ARID5A: variants seen among roughly 807,000 people sequenced by gnomAD.
The protein encoded by ARID5A is AT-rich interaction domain 5A.
ARID5A carries 14 observed loss-of-function variants against 30.5 expected under a neutral mutation model. The ratio of observed to expected loss-of-function variants is 0.46; its 90% confidence interval spans 0.30 to 0.72. The LOEUF is 0.72. ARID5A is among the 30% of genes least tolerant of loss of function. The pLI is 0.07. For synonymous variants in ARID5A, 338 were observed against 340.4 expected (o/e 0.99, Z 0.08); for missense variants, 669 against 786.2 (o/e 0.85, Z 1.78).
At chr2:96,545,156 CTTTTTTTTTT>C (rs35156624) in intron 1 of ARID5A, among the ~76,000 whole-genome samples, 1 of 116,338 alleles carries the variant, frequency 8.6e-6, no homozygotes, top group African/African-American at 3.2e-5. Flanking sequence ...TTTTCTTTTT[CTTTTTTTTTT>C]TTTTTTTTGA....
At position 96,552,215 on chromosome 2, in the gene ARID5A, C is replaced by T; in HGVS notation, c.1687C>T (p.Leu563Phe). 2 of 1,613,498 alleles carry T rather than the reference C, an allele frequency of 1.2e-6. No individual in the cohort carries two copies. The highest frequency in any genetic ancestry group is 1.1e-5 in the South Asian group (1 of 91,050). The change falls in exon 7 of 7, where the codon CTC becomes TTC. Residue 563 changes from leucine (L) to phenylalanine (F), a missense_variant. Leu to Phe is a conservative substitution (Grantham distance 22). Coordinates refer to ENST00000357485, the MANE Select transcript of ARID5A (RefSeq NM_212481.3). The part of the protein sequence containing the change: ...HFPPTSFDSA[L>F]RHRLCPASSA... ...CCCCCCAACGTCCTTCGACAGTGCCCTCCGCCACAGACTTTGCCCGGCCTC... is the reference window on the plus strand; with the variant it reads ...CCCCCCAACGTCCTTCGACAGTGCCTTCCGCCACAGACTTTGCCCGGCCTC...
rs1339911834 is a variant in ARID5A, at chr2:96,539,952, C to T, written c.4+3122C>T. ...ATTAGAAAGAAAAAAATCTCTAGCT[C>T]TCAGGGATCAGCGTCTCTCAGGAGT... On this transcript the variant is annotated intron_variant, in intron 1 of 6. Transcript: ENST00000357485. This position sits in a 1 kb window ranked among gnomAD's most constrained non-coding sequence, Gnocchi z 4.7. Among the ~76,000 whole-genome samples the T allele has an allele frequency of 2.0e-5, 3 of 152,234 alleles. No homozygotes were observed. The highest frequency in any genetic ancestry group is 4.4e-5 in the Non-Finnish European group (3 of 68,040).
chr2:96,550,259 C>A lies in ARID5A; in HGVS notation c.384C>A (p.Ala128=). The stretch of plus-strand genomic sequence containing the variant: ...GCAGCCCAGGCAGCACCAGCGCGGC[C>A]ACGTGCACGCGCCGCCACTACGAGA... The part of the protein sequence containing the change: ...LGGSPGSTSA[A]TCTRRHYERL... The change falls in exon 5 of 7, where the codon GCC becomes GCA. Residue 128 remains alanine, a synonymous_variant. Coordinates refer to ENST00000357485, the MANE Select transcript of ARID5A (RefSeq NM_212481.3). The surrounding 1 kb of genome is among the most constrained non-coding windows in gnomAD (Gnocchi z 6.6). 1.3e-6 allele frequency: 2 copies of A among 1,488,716 alleles called. No homozygotes were observed. Among genetic ancestry groups the A allele is most frequent in the South Asian group, 2.7e-5 (2 of 75,464 alleles). 92.2% of individuals were successfully genotyped at this position (1,488,716 alleles called of 1,614,324 possible).
chr2:96,538,025 G>A, intron 1 of ARID5A: 1 of 985,532 alleles, frequency 1.0e-6, no homozygotes, highest in South Asian at 4.7e-5. Context: ...AGGGGTGGGA[G>A]GTCGGGGCTC....
At chr2:96,547,301 T>C in intron 1 of ARID5A, 101 bp from the exon 2 acceptor site, 1 of 1,029,048 alleles carries the variant, frequency 9.7e-7, no homozygotes, top group Admixed American at 2.3e-5. Flanking sequence ...CTCTGGCAAC[T>C]CCAATTGGGA....
chr2:96,537,869 TG>T lies in ARID5A; in HGVS notation c.4+1040del. 1.0e-6 allele frequency: 1 copy of T among 985,430 alleles called. No homozygotes were observed. The highest frequency in any genetic ancestry group is 1.2e-6 in the Non-Finnish European group (1 of 829,988). 61.0% of individuals were successfully genotyped at this position (985,430 alleles called of 1,614,324 possible). A position where few individuals can be genotyped will look rare whatever the true frequency, so the allele number is the denominator to read the frequency against. ...AGGCGCTGCGGGTCCAGTGTCCCTT[TG>T]TTTGCAGAGTCTTGGGCCAGTAAGG... On this transcript the variant is annotated intron_variant, in intron 1 of 6. Coordinates refer to ENST00000357485, the MANE Select transcript of ARID5A (RefSeq NM_212481.3). The surrounding 1 kb of genome is among the most constrained non-coding windows in gnomAD (Gnocchi z 4.8).
In ARID5A at chr2:96,552,063, C is replaced by T. The variant is rs1014655896; in HGVS notation, c.1535C>T (p.Thr512Ile). ...GTMLHCPLNF[T>I]GTPGPLKGQA... The stretch of plus-strand genomic sequence containing the variant: ...ATGCTGCACTGCCCGCTGAACTTCA[C>T]TGGCACCCCGGGCCCCTTGAAGGGC... Residue 512 changes from threonine (T) to isoleucine (I), a missense_variant, in exon 7 of 7, where the codon ACT (threonine) becomes ATT (isoleucine). By Grantham distance (89) the Thr-to-Ile change is moderately conservative (BLOSUM62 -1). This residue lies in a region of ARID5A where 548 missense variants were observed against 577.4 expected (regional missense o/e 0.95). Transcript: ENST00000357485. 13 of 1,578,546 alleles carry T rather than the reference C, an allele frequency of 8.2e-6. No homozygotes were observed. Among genetic ancestry groups the T allele is most frequent in the African/African-American group, 1.3e-5 (1 of 74,082 alleles).
chr2:96,536,876 G>A, intron 1 of ARID5A, 46 bp downstream of exon 1: 1 of 1,225,436 alleles, frequency 8.2e-7, no homozygotes, highest in South Asian at 4.1e-5. Flanking sequence ...CGGCGGCCCT[G>A]CAGGGAGGTT....
intron 1 of ARID5A, among the ~76,000 whole-genome samples, chr2:96,544,051 C>G (rs2065886356): frequency 6.6e-6 from 1 of 152,268 alleles, no homozygotes; most frequent in Admixed American, 6.5e-5. Flanking sequence ...TAAGACAAAG[C>G]CTAATCCAGA....
chr2:96,551,234 C>G lies in ARID5A; in HGVS notation c.706C>G (p.Pro236Ala). The G allele has an allele frequency of 6.2e-7, 1 of 1,613,938 alleles. No homozygotes were observed. The highest frequency in any genetic ancestry group is 8.5e-7 in the Non-Finnish European group (1 of 1,180,004). Residue 236 changes from proline to alanine, a missense_variant, in exon 7 of 7, where the codon CCT becomes GCT. Around this residue, in one of 4 missense-constraint regions of ARID5A, gnomAD observed 548 missense variants for 577.4 expected, o/e 0.95. Transcript: ENST00000357485. ...GTCCTTTGTGGGTGCCAGCGGCTGT[C>G]CTGAGGCCTACAAGCGGCTCCTATC... The part of the protein sequence containing the change: ...SVSFVGASGC[P>A]EAYKRLLSSF...
At position 96,537,730 on chromosome 2, in the gene ARID5A, C is replaced by T; in HGVS notation, c.4+900C>T. On this transcript the variant is annotated intron_variant, in intron 1 of 6. Coordinates refer to ENST00000357485, the MANE Select transcript of ARID5A (RefSeq NM_212481.3). This position sits in a 1 kb window ranked among gnomAD's most constrained non-coding sequence, Gnocchi z 4.8. The stretch of plus-strand genomic sequence containing the variant: ...TGCGGGCCAACCCGGGCCCGCGCTC[C>T]GTCCCTCCGCGGTGTCTAGGGGTCG... 3 of 417,452 alleles carry T rather than the reference C, an allele frequency of 7.2e-6. No individual in the cohort carries two copies. Among genetic ancestry groups the T allele is most frequent in the Non-Finnish European group, 9.7e-6 (3 of 310,700 alleles). 25.9% of individuals were successfully genotyped at this position (417,452 alleles called of 1,614,324 possible). A position where few individuals can be genotyped will look rare whatever the true frequency, so the allele number is the denominator to read the frequency against.
Position 96,552,358 on chromosome 2 carries a change from A to G in ARID5A, c.*45A>G. 1 of 1,611,982 alleles carries G rather than the reference A, an allele frequency of 6.2e-7. No homozygotes were observed. The highest frequency in any genetic ancestry group is 8.5e-7 in the Non-Finnish European group (1 of 1,179,524). ...TACACTGTGGAGTCGACAGGGGCCT[A>G]CAACAGGCAGGTACTGCTGCCAGGG... On this transcript the variant is annotated 3_prime_UTR_variant, in exon 7 of 7. Coordinates refer to ENST00000357485, the MANE Select transcript of ARID5A (RefSeq NM_212481.3).
Position 96,550,091 on chromosome 2 carries a change from T to G in ARID5A, c.313-97T>G, listed in dbSNP as rs990348412. 3.3e-6 allele frequency: 5 copies of G among 1,531,754 alleles called. No individual in the cohort carries two copies. In the African/African-American group the frequency reaches 6.9e-5, roughly 21 times the overall value. The allele number at this position is 1,531,754 out of a possible 1,614,324, so 94.9% of individuals were successfully genotyped here. ...TGGAGCCGCAGAGCAGCTGCCAAAC[T>G]GCAGTCCTTCGAGTCCCTGCGAGGG... On this transcript the variant is annotated intron_variant, in intron 4 of 6. Coordinates refer to ENST00000357485, the MANE Select transcript of ARID5A (RefSeq NM_212481.3). The surrounding 1 kb of genome is among the most constrained non-coding windows in gnomAD (Gnocchi z 6.6).
chr2:96,550,370 G>T lies in ARID5A; in HGVS notation c.410+85G>T, dbSNP rs1573202059. On this transcript the variant is annotated intron_variant, in intron 5 of 6. Coordinates refer to ENST00000357485, the MANE Select transcript of ARID5A (RefSeq NM_212481.3). This position sits in a 1 kb window ranked among gnomAD's most constrained non-coding sequence, Gnocchi z 6.6. Reference sequence around the variant, plus strand: ...TTGCCGGGAGGGCCGGGTGGACTCTGCCCGGAGCGGGCAGGGTATGCGCCG... The same window carrying T: ...TTGCCGGGAGGGCCGGGTGGACTCTTCCCGGAGCGGGCAGGGTATGCGCCG... 2.1e-6 allele frequency: 3 copies of T among 1,428,056 alleles called. No individual in the cohort carries two copies. The highest frequency in any genetic ancestry group is 2.9e-5 in the African/African-American group (2 of 68,490). 88.5% of individuals were successfully genotyped at this position (1,428,056 alleles called of 1,614,324 possible). A position where few individuals can be genotyped will look rare whatever the true frequency, so the allele number is the denominator to read the frequency against.
intron 1 of ARID5A, among the ~76,000 whole-genome samples, chr2:96,538,522 G>A (rs967080422): frequency 6.6e-6 from 1 of 152,172 alleles, no homozygotes; most frequent in Non-Finnish European, 1.5e-5. Context: ...TTAGGGAGTG[G>A]GGGTCCCAGG....
In ARID5A at chr2:96,549,949, C is replaced by T; in HGVS notation, c.312+144C>T. On this transcript the variant is annotated intron_variant, in intron 4 of 6. Transcript: ENST00000357485. This position sits in a 1 kb window ranked among gnomAD's most constrained non-coding sequence, Gnocchi z 6.1. ...TGCCTCCCTGCCTTCCCCGCTGGTA[C>T]TCTGCTGCTCAAAGCAGCTTTTCAG... The T allele has an allele frequency of 1.3e-6, 2 of 1,529,228 alleles. No homozygotes were observed. Among genetic ancestry groups the T allele is most frequent in the Non-Finnish European group, 1.8e-6 (2 of 1,138,288 alleles). The allele number at this position is 1,529,228 out of a possible 1,614,324, so 94.7% of individuals were successfully genotyped here.
chr2:96,537,953 T>G lies in ARID5A; in HGVS notation c.4+1123T>G, dbSNP rs1334042014. On this transcript the variant is annotated intron_variant, in intron 1 of 6. Coordinates refer to ENST00000357485, the MANE Select transcript of ARID5A (RefSeq NM_212481.3). The surrounding 1 kb of genome is among the most constrained non-coding windows in gnomAD (Gnocchi z 4.8). ...GTGCCTCTTGCCCCACCCGGGCTCC[T>G]CTGGTGGGAGCCCACACGCACGGTG... 3 of 985,458 alleles carry G rather than the reference T, an allele frequency of 3.0e-6. No homozygotes were observed. Among genetic ancestry groups the G allele is most frequent in the African/African-American group, 1.7e-5 (1 of 57,330 alleles). 61.0% of individuals were successfully genotyped at this position (985,458 alleles called of 1,614,324 possible). A position where few individuals can be genotyped will look rare whatever the true frequency, so the allele number is the denominator to read the frequency against.
chr2:96,551,150 A>G lies in ARID5A; in HGVS notation c.622A>G (p.Ser208Gly). 6.2e-7 allele frequency: 1 copy of G among 1,613,758 alleles called. No homozygotes were observed. ...TGCTGCTGACCCAGCACCACTTCCC[A>G]GCCAGGAGCCCCCCAGGAACAGCAC... Reference protein sequence around the residue: ...ADAADPAPLPSQEPPRNSTEQ... With the variant: ...ADAADPAPLPGQEPPRNSTEQ... The change falls in exon 7 of 7, where the codon AGC (serine) becomes GGC (glycine). Residue 208 changes from serine (S) to glycine (G), a missense_variant. Around this residue, in one of 4 missense-constraint regions of ARID5A, gnomAD observed 548 missense variants for 577.4 expected, o/e 0.95. Transcript: ENST00000357485.
intron 1 of ARID5A, among the ~76,000 whole-genome samples, chr2:96,542,563 G>GAT (rs2065864215): frequency 6.6e-6 from 1 of 152,166 alleles, no homozygotes; most frequent in African/African-American, 2.4e-5. Context: ...CAACCTGGCT[G>GAT]CCCACTGGGA....
Sources: allele counts gnomAD v4.1 joint callset (sites outside exome capture counted in the v4.1 genomes callset), GRCh38; gene constraint gnomAD v4.1.1; regional missense constraint gnomAD v4.1.1; non-coding constraint Gnocchi (gnomAD v3.1); transcripts MANE v1.5; gene names NCBI Gene and HGNC (gene_info 2026-07-23, HGNC 2026-07-21).